The following SV2C variants were observed in gnomAD, a reference collection of about 807,000 sequenced individuals.
SV2C encodes solute carrier family 22 member B3.
SV2C carries 49 observed loss-of-function variants against 79.7 expected under a neutral mutation model. The ratio of observed to expected loss-of-function variants is 0.61; its 90% CI spans 0.49 to 0.78. The LOEUF (loss-of-function observed/expected upper bound fraction) is 0.78. Ranked by LOEUF, SV2C falls within the 30% of genes least tolerant of loss-of-function variation. The pLI, the probability that SV2C is intolerant of heterozygous loss-of-function variation, is 0.00. For missense variants in SV2C, 833 were observed against 912.9 expected, an observed-to-expected ratio of 0.91 and a Z score of 1.13; for synonymous variants, 334 against 333.2, an observed-to-expected ratio of 1.00 and a Z score of -0.03.
intron 4 of SV2C, among the ~76,000 whole-genome samples, chr5:76,215,629 G>A (rs951952150): frequency 1.3e-5 from 2 of 152,152 alleles, no homozygotes; most frequent in Non-Finnish European, 2.9e-5. Context: ...AACAAGAGCG[G>A]GTCCGCCCCT....
chr5:75,912,044 A>G, the SV2C span, among the ~76,000 whole-genome samples: 1 of 152,164 alleles, frequency 6.6e-6, no homozygotes. Context: ...GACTTATGGG[A>G]GAGGTGGAGT....
At chr5:76,351,404 C>T (rs965958397) in intron 12 of SV2C, among the ~76,000 whole-genome samples, 11 of 151,748 alleles carry the variant, frequency 7.2e-5, no homozygotes, top group African/African-American at 2.4e-4. Flanking sequence ...GCCATGATCG[C>T]ACCACTGCAC....
chr5:75,857,247 G>A, the SV2C span, among the ~76,000 whole-genome samples: 2 of 152,100 alleles, frequency 1.3e-5, no homozygotes, highest in African/African-American at 4.8e-5. Context: ...GTGAGCCACC[G>A]CGCCCGGCCG....
At chr5:76,195,982 TA>T (rs1461016668) in intron 3 of SV2C, among the ~76,000 whole-genome samples, 2 of 152,098 alleles carry the variant, frequency 1.3e-5, no homozygotes, top group Non-Finnish European at 1.5e-5. Flanking sequence ...TCAAGATGTC[TA>T]ACACAAAATG....
chr5:76,326,853 G>A lies in SV2C; in HGVS notation c.*1306G>A, dbSNP rs956908813. On this transcript the variant is annotated 3_prime_UTR_variant, in exon 13 of 13. Coordinates refer to ENST00000502798, the MANE Select transcript of SV2C (RefSeq NM_014979.4). ...CCCACGGGCCCGCTGTCAGCTACAT[G>A]ACCTTCTCGCCTCTCAGGCTCCCCT... 1.3e-5 allele frequency: 2 copies of A among 152,258 alleles called. No individual in the cohort carries two copies. The highest frequency in any genetic ancestry group is 4.8e-5 in the African/African-American group (2 of 41,446). 9.4% of individuals were successfully genotyped at this position (152,258 alleles called of 1,614,324 possible).
chr5:76,118,017 A>G lies in SV2C; in HGVS notation c.-101-13633A>G, dbSNP rs2112154011. 2.0e-5 allele frequency among the ~76,000 whole-genome samples: 3 copies of G among 152,338 alleles called. No individual in the cohort carries two copies. The Middle Eastern group carries it at 0.01, about 518-fold the overall frequency. On this transcript the variant is annotated intron_variant, in intron 1 of 12. Transcript: ENST00000502798. ...AAGAGCTCTTAAAATTCAACAAGAA[A>G]AGGATCTTGTATTAATTTTCTGTGG...
chr5:76,186,258 C>T (rs928730049), intron 2 of SV2C, among the ~76,000 whole-genome samples: 4 of 152,226 alleles, frequency 2.6e-5, no homozygotes, highest in African/African-American at 9.6e-5. Context: ...GTTCCAGCAA[C>T]TGGCTGGTAC....
At chr5:76,053,476 A>G in the SV2C span, among the ~76,000 whole-genome samples, 1 of 152,218 alleles carries the variant, frequency 6.6e-6, no homozygotes, top group African/African-American at 2.4e-5. Context: ...ACGTGTGACA[A>G]TTTATGGTCT....
chr5:75,986,196 C>T, the SV2C span, among the ~76,000 whole-genome samples: 4 of 151,168 alleles, frequency 2.6e-5, no homozygotes, highest in Non-Finnish European at 5.9e-5. Flanking sequence ...ACCTTGTATG[C>T]TAAAGGAACT....
the SV2C span, among the ~76,000 whole-genome samples, chr5:75,972,333 T>C: frequency 2.0e-5 from 3 of 152,048 alleles, no homozygotes; most frequent in Non-Finnish European, 4.4e-5. Flanking sequence ...AAATGGGATC[T>C]AATTAAACTA....
At chr5:76,223,474 T>TATATATATAC (rs1745141318) in intron 4 of SV2C, among the ~76,000 whole-genome samples, 2 of 69,442 alleles carry the variant, frequency 2.9e-5, no homozygotes, top group Non-Finnish European at 4.9e-5. Context: ...TATATATATA[T>TATATATATAC]ATATATATAT....
the SV2C span, among the ~76,000 whole-genome samples, chr5:76,030,266 G>GGTTTTTTTTTTTTTTTTTTTTTTTTTTTT: frequency 1.6e-4 from 5 of 31,980 alleles, no homozygotes; most frequent in African/African-American, 7.3e-4. Context: ...TCAGAGGCTT[G>GGTTTTTTTTTTTTTTTTTTTTTTTTTTTT]TTTTTTTTTT....
chr5:76,063,842 T>C, the SV2C span, among the ~76,000 whole-genome samples: 6 of 152,172 alleles, frequency 3.9e-5, no homozygotes, highest in Admixed American at 3.9e-4. Flanking sequence ...AAAGGACTTA[T>C]TTGTTTTTTA....
the SV2C span, among the ~76,000 whole-genome samples, chr5:75,894,145 G>A: frequency 1.3e-5 from 2 of 152,056 alleles, no homozygotes. Flanking sequence ...AGACAGACTG[G>A]AGGCACTAGG....
At chr5:75,904,585 T>G in the SV2C span, among the ~76,000 whole-genome samples, 1 of 152,040 alleles carries the variant, frequency 6.6e-6, no homozygotes, top group South Asian at 2.1e-4. Flanking sequence ...AAATGTAAAA[T>G]GGAGCCCTGA....
At chr5:76,285,896 C>T in intron 6 of SV2C, 26 bp downstream of exon 6, 4 of 1,592,596 alleles carry the variant, frequency 2.5e-6, no homozygotes, top group East Asian at 4.5e-5. Flanking sequence ...AGAGAATCCT[C>T]AACACCAGGG....
At chr5:76,121,350 T>C (rs565825370) in intron 1 of SV2C, among the ~76,000 whole-genome samples, 77 of 152,106 alleles carry the variant, frequency 5.1e-4, no homozygotes, top group Admixed American at 2.0e-4. Flanking sequence ...TTTCTTTTCC[T>C]GTGCAGAAGC....
chr5:75,951,634 G>A, the SV2C span, among the ~76,000 whole-genome samples: 1 of 152,026 alleles, frequency 6.6e-6, no homozygotes, highest in East Asian at 1.9e-4. Flanking sequence ...GGATTTACTT[G>A]AACATGTAGA....
intron 12 of SV2C, among the ~76,000 whole-genome samples, chr5:76,320,895 G>A (rs1197797909): frequency 6.6e-6 from 1 of 152,052 alleles, no homozygotes; most frequent in African/African-American, 2.4e-5. Context: ...CCAAACAGTT[G>A]GCAACTTTGC....
Sources: allele counts gnomAD v4.1 joint callset (sites outside exome capture counted in the v4.1 genomes callset), GRCh38; gene constraint gnomAD v4.1.1; transcripts MANE v1.5; gene names NCBI Gene and HGNC (gene_info 2026-07-23, HGNC 2026-07-21).